The following CIMIP2C variants were observed in gnomAD, a reference collection of about 807,000 sequenced individuals.
CIMIP2C encodes the protein UPF0573 protein C2orf70.
the CIMIP2C span, among the ~76,000 whole-genome samples, chr2:26,570,028 G>T: frequency 6.6e-6 from 1 of 152,202 alleles, no homozygotes; most frequent in Non-Finnish European, 1.5e-5. Flanking sequence ...GAGTGCTAAA[G>T]AATGTGAACC....
At chr2:26,579,320 G>A in the CIMIP2C span, 3 of 1,613,996 alleles carry the variant, frequency 1.9e-6, no homozygotes, top group East Asian at 4.5e-5. Context: ...AAGAAGAAGT[G>A]GCACCTTTTA....
At chr2:26,577,845 G>A in the CIMIP2C span, 2 of 507,988 alleles carry the variant, frequency 3.9e-6, no homozygotes, top group African/African-American at 2.0e-5. Context: ...ATCAGGAAGA[G>A]TGCTTTCCCG....
At chr2:26,566,066 G>A in the CIMIP2C span, among the ~76,000 whole-genome samples, 6 of 152,228 alleles carry the variant, frequency 3.9e-5, no homozygotes, top group African/African-American at 1.4e-4. Context: ...CTGCTTGCAA[G>A]TCGGATCTGG....
chr2:26,578,655 C>T, the CIMIP2C span: 2 of 435,946 alleles, frequency 4.6e-6, no homozygotes, highest in Non-Finnish European at 9.5e-6. Flanking sequence ...CAGTCCATCC[C>T]TAGAGTATAG....
At chr2:26,567,907 A>G in the CIMIP2C span, among the ~76,000 whole-genome samples, 1 of 152,106 alleles carries the variant, frequency 6.6e-6, no homozygotes, top group Non-Finnish European at 1.5e-5. Context: ...CTTGTCTGAG[A>G]ATTTCTATGG....
chr2:26,562,810 C>T, the CIMIP2C span: 37 of 828,788 alleles, frequency 4.5e-5, no homozygotes, highest in African/African-American at 6.9e-5. Flanking sequence ...ATTTTCCACC[C>T]GACGGGGCGA....
chr2:26,572,042 A>G, the CIMIP2C span: 9 of 1,485,162 alleles, frequency 6.1e-6, no homozygotes, highest in Non-Finnish European at 8.1e-6. Context: ...TAGGAGAGAG[A>G]GAGAGGATAA....
At chr2:26,576,578 G>A in the CIMIP2C span, among the ~76,000 whole-genome samples, 3 of 152,170 alleles carry the variant, frequency 2.0e-5, no homozygotes, top group South Asian at 2.1e-4. Flanking sequence ...AATAACACAC[G>A]AGCAAAGGCC....
chr2:26,579,179 G>A, the CIMIP2C span: 85 of 1,252,998 alleles, frequency 6.8e-5, no homozygotes, highest in Middle Eastern at 2.7e-4. Flanking sequence ...TTAAACTGAC[G>A]AGTAGCCGGC....
At chr2:26,575,445 C>A in the CIMIP2C span, among the ~76,000 whole-genome samples, 20 of 152,222 alleles carry the variant, frequency 1.3e-4, no homozygotes, top group Non-Finnish European at 2.1e-4. Flanking sequence ...CCTGGAGGGA[C>A]AGTGATTTGC....
At chr2:26,577,917 T>C in the CIMIP2C span, 1 of 414,208 alleles carries the variant, frequency 2.4e-6, no homozygotes, top group South Asian at 3.2e-5. Flanking sequence ...ATCTGCGGAC[T>C]GATGCCCCGC....
the CIMIP2C span, among the ~76,000 whole-genome samples, chr2:26,565,119 T>C: frequency 1.3e-5 from 2 of 148,584 alleles, no homozygotes; most frequent in East Asian, 2.1e-4. Flanking sequence ...TAATGGAGTC[T>C]TGCTCTGTTG....
At chr2:26,565,720 G>A in the CIMIP2C span, among the ~76,000 whole-genome samples, 1 of 152,196 alleles carries the variant, frequency 6.6e-6, no homozygotes, top group Non-Finnish European at 1.5e-5. Context: ...AGGTTAAAGA[G>A]GTTTCAGTTA....
the CIMIP2C span, among the ~76,000 whole-genome samples, chr2:26,573,347 T>C: frequency 2.8e-5 from 4 of 145,040 alleles, no homozygotes; most frequent in Non-Finnish European, 4.4e-5. Context: ...CAGCCTTTAC[T>C]GTGGAAATGT....
At chr2:26,577,188 C>T in the CIMIP2C span, among the ~76,000 whole-genome samples, 13 of 152,224 alleles carry the variant, frequency 8.5e-5, no homozygotes, top group African/African-American at 3.1e-4. Context: ...GGACATGGTG[C>T]CTGTGTGCAC....
the CIMIP2C span, chr2:26,572,228 AT>A: frequency 1.1e-5 from 14 of 1,269,458 alleles, no homozygotes; most frequent in Non-Finnish European, 1.5e-5. Flanking sequence ...GACAGGTTTT[AT>A]AACATTTACA....
the CIMIP2C span, among the ~76,000 whole-genome samples, chr2:26,570,321 A>G: frequency 6.6e-6 from 1 of 152,234 alleles, no homozygotes; most frequent in African/African-American, 2.4e-5. Context: ...TCATGCCAGC[A>G]TGTGCTCTGC....
the CIMIP2C span, chr2:26,578,673 C>G: frequency 4.4e-6 from 2 of 458,650 alleles, no homozygotes; most frequent in South Asian, 3.2e-5. Context: ...TAGTGGGACT[C>G]TCCTGGGGAC....
the CIMIP2C span, chr2:26,563,076 G>C: frequency 4.2e-6 from 1 of 236,456 alleles, no homozygotes; most frequent in African/African-American, 2.3e-5. Flanking sequence ...CCTTCCGTCC[G>C]GCGCACAGGG....
Sources: allele counts gnomAD v4.1 joint callset (sites outside exome capture counted in the v4.1 genomes callset), GRCh38; gene constraint gnomAD v4.1.1; transcripts MANE v1.5; gene names NCBI Gene and HGNC (gene_info 2026-07-23, HGNC 2026-07-21).